Variants in CACNA2D1 observed in about 807,000 individuals in gnomAD.
CACNA2D1 encodes calcium voltage-gated channel auxiliary subunit alpha2delta 1.
CACNA2D1 carries 53 observed loss-of-function variants against 171.5 expected under a neutral mutation model. That is an observed-to-expected ratio of 0.31 (90% CI 0.25 to 0.39). The LOEUF is 0.39. Among genes scored for constraint, CACNA2D1 ranks in the 10% least tolerant of loss-of-function variants. CACNA2D1 has a pLI of 1.00. For missense variants in CACNA2D1, 903 were observed against 1,299.8 expected, an observed-to-expected ratio of 0.69 and a Z score of 4.69; for synonymous variants, 442 against 443.1, an observed-to-expected ratio of 1.00 and a Z score of 0.03.
intron 21 of CACNA2D1, among the ~76,000 whole-genome samples, chr7:81,986,486 T>C (rs1584297767): frequency 1.3e-5 from 2 of 151,866 alleles, no homozygotes; most frequent in Non-Finnish European, 2.9e-5. Flanking sequence ...TATATTTTTA[T>C]GGACAATATA....
At chr7:82,261,353 C>T (rs1055406196) in intron 3 of CACNA2D1, among the ~76,000 whole-genome samples, 1 of 152,164 alleles carries the variant, frequency 6.6e-6, no homozygotes, top group African/African-American at 2.4e-5. Flanking sequence ...CTAAGTAGCA[C>T]GTTCACATGA....
intron 10 of CACNA2D1, among the ~76,000 whole-genome samples, chr7:82,059,384 C>T (rs2131369838): frequency 6.6e-6 from 1 of 152,128 alleles, no homozygotes; most frequent in East Asian, 1.9e-4. Context: ...TTAATAAGAG[C>T]ACATTCAAAT....
In CACNA2D1 at chr7:82,296,955, C is replaced by T. The variant is rs186568685; in HGVS notation, c.294+38180G>A. On this transcript the variant is annotated intron_variant, in intron 3 of 38. Coordinates refer to ENST00000356860, the MANE Select transcript of CACNA2D1 (RefSeq NM_000722.4). ...TCTCATTAGTAAAAACTCATATTGG[C>T]GGGGAGTGGTGGCTTATGCCTGTAA... is the stretch of plus-strand genomic sequence containing the variant. 3.4e-3 allele frequency among the ~76,000 whole-genome samples: 503 copies of T among 149,872 alleles called. 1 individual carries two copies. Among genetic ancestry groups the T allele is most frequent in the African/African-American group, 0.012 (475 of 40,622 alleles).
At chr7:82,119,651 A>G (rs1032074680) in intron 5 of CACNA2D1, among the ~76,000 whole-genome samples, 3 of 152,206 alleles carry the variant, frequency 2.0e-5, no homozygotes, top group African/African-American at 7.2e-5. Flanking sequence ...TAAAGTCTAT[A>G]TATTTTACCT....
chr7:82,346,590 C>T (rs1819284238), intron 2 of CACNA2D1, among the ~76,000 whole-genome samples: 1 of 151,850 alleles, frequency 6.6e-6, no homozygotes, highest in South Asian at 2.1e-4. Flanking sequence ...GCAATTATTT[C>T]AATGGAAATA....
chr7:82,403,161 G>C (rs986630183), intron 1 of CACNA2D1, among the ~76,000 whole-genome samples: 2 of 152,036 alleles, frequency 1.3e-5, no homozygotes, highest in Admixed American at 1.3e-4. Context: ...GGAGAAGAGA[G>C]GACGGAGATA....
rs377074550 is a variant in CACNA2D1, at chr7:82,417,605, T to C, written c.95+25760A>G. Among the ~76,000 whole-genome samples the C allele has an allele frequency of 6.6e-5, 10 of 152,302 alleles. No homozygotes were observed. The South Asian group carries it at 1.9e-3, about 28-fold the overall frequency. ...TTTACTATGCAGATTCAACTAGATATCTGCATTAAAGTAAAACCTTAGATC... is the reference window on the plus strand; with the variant it reads ...TTTACTATGCAGATTCAACTAGATACCTGCATTAAAGTAAAACCTTAGATC... On this transcript the variant is annotated intron_variant, in intron 1 of 38. Coordinates refer to ENST00000356860, the MANE Select transcript of CACNA2D1 (RefSeq NM_000722.4).
intron 3 of CACNA2D1, among the ~76,000 whole-genome samples, chr7:82,193,180 T>C (rs1227496800): frequency 1.4e-5 from 2 of 138,944 alleles, no homozygotes; most frequent in African/African-American, 4.9e-5. Flanking sequence ...ATAATTCAAG[T>C]AAATAAGGCC....
At chr7:81,967,075 A>T (rs1424351026) in intron 31 of CACNA2D1, 94 bp downstream of exon 31, 2 of 872,438 alleles carry the variant, frequency 2.3e-6, no homozygotes, top group Admixed American at 2.4e-5. Context: ...CCTTTGATTA[A>T]AAAATTCCTG....
chr7:82,056,034 C>T (rs1239436190), intron 10 of CACNA2D1, among the ~76,000 whole-genome samples: 1 of 45,606 alleles, frequency 2.2e-5, no homozygotes, highest in African/African-American at 5.2e-5. Context: ...AAAAAAAAGG[C>T]CAAGTATCAA....
intron 10 of CACNA2D1, among the ~76,000 whole-genome samples, chr7:82,040,029 T>C (rs1449675185): frequency 6.6e-6 from 1 of 152,214 alleles, no homozygotes; most frequent in Non-Finnish European, 1.5e-5. Flanking sequence ...GCATCCTAGC[T>C]GCTGTGTGGA....
At chr7:81,971,952 T>A (rs879693173) in intron 25 of CACNA2D1, 88 bp from the exon 26 acceptor site, 8 of 813,962 alleles carry the variant, frequency 9.8e-6, no homozygotes, top group Non-Finnish European at 1.7e-5. Flanking sequence ...CAAAAGCAAT[T>A]TAGAGTAGAT....
At chr7:82,199,564 A>G in intron 3 of CACNA2D1, among the ~76,000 whole-genome samples, 1 of 152,124 alleles carries the variant, frequency 6.6e-6, no homozygotes, top group East Asian at 1.9e-4. Flanking sequence ...TGAACACTTC[A>G]TCTTTAACCC....
At chr7:82,336,168 G>A (rs571637495) in intron 2 of CACNA2D1, among the ~76,000 whole-genome samples, 3 of 152,304 alleles carry the variant, frequency 2.0e-5, no homozygotes, top group East Asian at 3.9e-4. Flanking sequence ...CTTATGAGAA[G>A]TGAATCCAGG....
intron 3 of CACNA2D1, among the ~76,000 whole-genome samples, chr7:82,300,765 AAAAT>A (rs1484431806): frequency 1.3e-5 from 2 of 152,006 alleles, no homozygotes; most frequent in Admixed American, 6.6e-5. Flanking sequence ...TTCTATAATA[AAAAT>A]AAATAATGTA....
intron 3 of CACNA2D1, among the ~76,000 whole-genome samples, chr7:82,245,818 G>T (rs749569124): frequency 6.6e-6 from 1 of 151,934 alleles, no homozygotes; most frequent in African/African-American, 2.4e-5. Context: ...AAAAGTCATG[G>T]TATCTTCACC....
intron 3 of CACNA2D1, among the ~76,000 whole-genome samples, chr7:82,254,279 T>A (rs529844161): frequency 3.3e-5 from 5 of 152,120 alleles, no homozygotes; most frequent in South Asian, 4.1e-4. Flanking sequence ...TATACTACCA[T>A]ATGTTTGTAA....
chr7:82,042,998 G>A (rs947357639), intron 10 of CACNA2D1, among the ~76,000 whole-genome samples: 1 of 151,976 alleles, frequency 6.6e-6, no homozygotes, highest in Non-Finnish European at 1.5e-5. Flanking sequence ...TTCTGTACTT[G>A]GCATGTAATA....
At chr7:82,205,134 T>C (rs191991127) in intron 3 of CACNA2D1, among the ~76,000 whole-genome samples, 34 of 152,298 alleles carry the variant, frequency 2.2e-4, no homozygotes, top group Admixed American at 2.2e-3. Context: ...CTCCCTATGA[T>C]TCCCTGAGTG....
Sources: allele counts gnomAD v4.1 joint callset (sites outside exome capture counted in the v4.1 genomes callset), GRCh38; gene constraint gnomAD v4.1.1; transcripts MANE v1.5; gene names NCBI Gene and HGNC (gene_info 2026-07-23, HGNC 2026-07-21).